The following PIP4P1 variants were observed in gnomAD, a reference collection of about 807,000 sequenced individuals.
The protein encoded by PIP4P1 is phosphatidylinositol-4,5-bisphosphate 4-phosphatase 1.
PIP4P1 carries 14 observed loss-of-function variants against 32.3 expected under a neutral mutation model. The observed-to-expected ratio is 0.43, with a 90% CI of 0.29 to 0.68. The LOEUF (loss-of-function observed/expected upper bound fraction) is 0.68, where lower values mean the gene tolerates loss of function less well. PIP4P1 is among the 30% of genes least tolerant of loss of function. The pLI, the probability that PIP4P1 is intolerant of heterozygous loss-of-function variation, is 0.15. For missense variants in PIP4P1, 289 were observed against 364.5 expected, an observed-to-expected ratio of 0.79 and a Z score of 1.69; for synonymous variants, 132 against 137.9, an observed-to-expected ratio of 0.96 and a Z score of 0.30.
At position 20,458,228 on chromosome 14, in the gene PIP4P1, A is replaced by G; in HGVS notation, c.*331T>C. 9.0e-6 allele frequency: 4 copies of G among 445,204 alleles called. No individual in the cohort carries two copies. Among genetic ancestry groups the G allele is most frequent in the East Asian group, 7.0e-5 (1 of 14,278 alleles). The allele number at this position is 445,204 out of a possible 1,614,324, so 27.6% of individuals were successfully genotyped here. A position where few individuals can be genotyped will look rare whatever the true frequency, so the allele number is the denominator to read the frequency against. On this transcript the variant is annotated 3_prime_UTR_variant, in exon 7 of 7. Transcript: ENST00000250489. ...GCTACCCACCCCCACCCTGCCCTGGAATGTGTAAGGGACAGGAATGGCTCT... is the reference window on the plus strand; with the variant it reads ...GCTACCCACCCCCACCCTGCCCTGGGATGTGTAAGGGACAGGAATGGCTCT...
At position 20,461,375 on chromosome 14, in the gene PIP4P1, C is replaced by T. The variant is rs914424414; in HGVS notation, c.-50G>A. On this transcript the variant is annotated 5_prime_UTR_variant, in exon 1 of 7. Transcript: ENST00000250489. ...AGGTCGGCGATCCGGCTCCCTTCGC[C>T]TCTGCCGTCGCCGCAGCCACCGCCA... 3.2e-6 allele frequency: 4 copies of T among 1,247,274 alleles called. No homozygotes were observed. Among genetic ancestry groups the T allele is most frequent in the Non-Finnish European group, 4.0e-6 (4 of 997,482 alleles). 77.3% of individuals were successfully genotyped at this position (1,247,274 alleles called of 1,614,324 possible). A position where few individuals can be genotyped will look rare whatever the true frequency, so the allele number is the denominator to read the frequency against.
chr14:20,459,306 G>A lies in PIP4P1; in HGVS notation c.600-10C>T, dbSNP rs912505555. ...GCGCCCAATAGATGACCTGTGGGGA[G>A]GCAAATAGAAATGGATGCTTTCTAT... On this transcript the variant is annotated splice_polypyrimidine_tract_variant and intron_variant, in intron 5 of 6. Transcript: ENST00000250489. The A allele has an allele frequency of 6.2e-7, 1 of 1,614,062 alleles. No individual in the cohort carries two copies. Among genetic ancestry groups the A allele is most frequent in the African/African-American group, 1.3e-5 (1 of 74,926 alleles).
At position 20,458,208 on chromosome 14, in the gene PIP4P1, C is replaced by T. The variant is rs562264909; in HGVS notation, c.*351G>A. ...GAGGGAGGGGAACCCCCAGGGCTAC[C>T]CACCCCCACCCTGCCCTGGAATGTG... On this transcript the variant is annotated 3_prime_UTR_variant, in exon 7 of 7. Transcript: ENST00000250489. 4.3e-6 allele frequency: 2 copies of T among 462,232 alleles called. No homozygotes were observed. The highest frequency in any genetic ancestry group is 2.0e-5 in the African/African-American group (1 of 50,490). The allele number at this position is 462,232 out of a possible 1,614,324, so 28.6% of individuals were successfully genotyped here.
chr14:20,460,534 ACTGAAAC>A, intron 2 of PIP4P1, 114 bp downstream of exon 2: 1 of 1,068,920 alleles, frequency 9.4e-7, no homozygotes, highest in Non-Finnish European at 1.3e-6. Flanking sequence ...GACACCTGGA[ACTGAAAC>A]CTGGGTATCA....
In PIP4P1 at chr14:20,458,638, AG is replaced by A; in HGVS notation, c.754del (p.Leu252CysfsTer16). On this transcript the variant is annotated frameshift_variant, in exon 7 of 7. Coordinates refer to ENST00000250489, the MANE Select transcript of PIP4P1 (RefSeq NM_144568.4). LOFTEE classifies it high-confidence loss of function. ...CCGGCCCAAACACAGCACAGCCAAC[AG>A]GATGACAAATGCCCAGGCTGCATAG... ...GIYAAWAFVI[L>X]LAVLCLGRAL... The A allele has an allele frequency of 6.2e-7, 1 of 1,614,256 alleles. No individual in the cohort carries two copies. Among genetic ancestry groups the A allele is most frequent in the Admixed American group, 1.7e-5 (1 of 60,034 alleles).
At chr14:20,459,104 C>T in intron 6 of PIP4P1, 102 bp downstream of exon 6, 2 of 1,233,940 alleles carry the variant, frequency 1.6e-6, no homozygotes, top group Non-Finnish European at 2.3e-6. Flanking sequence ...ACAAACTAGT[C>T]CCCCAAGTTT....
Position 20,458,746 on chromosome 14 carries a change from T to C in PIP4P1, c.691-44A>G, listed in dbSNP as rs1278948623. On this transcript the variant is annotated intron_variant, in intron 6 of 6. Transcript: ENST00000250489. ...GAGAAGAAAAGAAAGATGGGGTTAA[T>C]GTTGGTCTCCACTACCTCCTATTAG... 5 of 1,588,118 alleles carry C rather than the reference T, an allele frequency of 3.1e-6. No individual in the cohort carries two copies. The East Asian group carries it at 8.9e-5, about 28-fold the overall frequency.
At chr14:20,460,491 TG>T (rs1881659476) in intron 2 of PIP4P1, 163 bp downstream of exon 2, 1 of 792,710 alleles carries the variant, frequency 1.3e-6, no homozygotes, top group South Asian at 1.8e-5. Flanking sequence ...ACATTAGCTT[TG>T]GTGAGTGGCT....
At chr14:20,459,083 C>T in intron 6 of PIP4P1, 123 bp downstream of exon 6, 7 of 1,055,054 alleles carry the variant, frequency 6.6e-6, no homozygotes, top group Non-Finnish European at 9.8e-6. Context: ...TCATCCATAT[C>T]TTAAAACAAA....
intron 1 of PIP4P1, 31 bp downstream of exon 1, chr14:20,461,153 C>T (rs1480307104): frequency 1.3e-5 from 16 of 1,261,622 alleles, no homozygotes; most frequent in Non-Finnish European, 1.5e-5. Context: ...TCGGACCCGC[C>T]CCGGCTTACC....
At chr14:20,461,001 TC>T in intron 1 of PIP4P1, 156 bp from the exon 2 acceptor site, 1 of 1,248,010 alleles carries the variant, frequency 8.0e-7, no homozygotes, top group Non-Finnish European at 1.0e-6. Context: ...CCCCCTTCCG[TC>T]CCTAGGCTGT....
chr14:20,461,385 G>A lies in PIP4P1; in HGVS notation c.-60C>T. On this transcript the variant is annotated 5_prime_UTR_variant, in exon 1 of 7. Transcript: ENST00000250489. ...TCCGGCTCCCTTCGCCTCTGCCGTC[G>A]CCGCAGCCACCGCCACCGCCGCCAC... 1.2e-5 allele frequency: 15 copies of A among 1,236,980 alleles called. No individual in the cohort carries two copies. The highest frequency in any genetic ancestry group is 1.5e-5 in the Non-Finnish European group (15 of 990,530). The allele number at this position is 1,236,980 out of a possible 1,614,324, so 76.6% of individuals were successfully genotyped here.
intron 1 of PIP4P1, 68 bp downstream of exon 1, chr14:20,461,116 G>A: frequency 3.2e-6 from 4 of 1,269,568 alleles, no homozygotes; most frequent in South Asian, 3.1e-5. Flanking sequence ...CCCCCTCCCC[G>A]GCTTTCAGAG....
At chr14:20,460,041 G>A (rs1420033256) in intron 3 of PIP4P1, 151 bp downstream of exon 3, 3 of 678,330 alleles carry the variant, frequency 4.4e-6, no homozygotes, top group Non-Finnish European at 7.9e-6. Context: ...AAACGAGAAA[G>A]ACAGCTATAA....
In PIP4P1 at chr14:20,461,347, C is replaced by A; in HGVS notation, c.-22G>T. The A allele has an allele frequency of 7.9e-7, 1 of 1,272,610 alleles. No homozygotes were observed. The highest frequency in any genetic ancestry group is 9.9e-7 in the Non-Finnish European group (1 of 1,010,282). The allele number at this position is 1,272,610 out of a possible 1,614,324, so 78.8% of individuals were successfully genotyped here. ...CCATGGCCGCCACCGCCGCCTCCCGCTCAGGTCGGCGATCCGGCTCCCTTC... is the reference window on the plus strand; with the variant it reads ...CCATGGCCGCCACCGCCGCCTCCCGATCAGGTCGGCGATCCGGCTCCCTTC... On this transcript the variant is annotated 5_prime_UTR_variant, in exon 1 of 7. Transcript: ENST00000250489.
intron 6 of PIP4P1, 179 bp downstream of exon 6, chr14:20,459,027 T>C (rs1881586201): frequency 3.0e-6 from 2 of 664,934 alleles, no homozygotes; most frequent in African/African-American, 1.8e-5. Context: ...TTTTCACTCT[T>C]GTAGTAGTAA....
intron 6 of PIP4P1, 84 bp downstream of exon 6, chr14:20,459,122 T>C (rs1881593092): frequency 2.9e-6 from 4 of 1,374,650 alleles, no homozygotes; most frequent in African/African-American, 2.9e-5. Context: ...TTTCTTCCAC[T>C]TTTTTTTAGG....
At position 20,458,340 on chromosome 14, in the gene PIP4P1, A is replaced by G. The variant is rs183645007; in HGVS notation, c.*219T>C. 524 of 736,020 alleles carry G rather than the reference A, an allele frequency of 7.1e-4. 3 individuals carry two copies. Among genetic ancestry groups the G allele is most frequent in the African/African-American group, 6.9e-3 (401 of 57,880 alleles). 45.6% of individuals were successfully genotyped at this position (736,020 alleles called of 1,614,324 possible). On this transcript the variant is annotated 3_prime_UTR_variant, in exon 7 of 7. Transcript: ENST00000250489. ...GTTTTGCCTACTTCACCCTAGACAC[A>G]GCAACCCTTGGAGGAAAGCAGATGG...
chr14:20,458,517 C>A lies in PIP4P1; in HGVS notation c.*42G>T. 1 of 1,606,988 alleles carries A rather than the reference C, an allele frequency of 6.2e-7. No homozygotes were observed. ...CAGCTCCCTTCGTAGTGTCACTGTC[C>A]CCACCAGGGAGGGGCCAGGCACAGT... On this transcript the variant is annotated 3_prime_UTR_variant, in exon 7 of 7. Coordinates refer to ENST00000250489, the MANE Select transcript of PIP4P1 (RefSeq NM_144568.4).
Sources: gnomAD v4.1 joint callset for allele counts on GRCh38, gnomAD v4.1.1 for gene constraint, MANE v1.5 for transcripts, NCBI Gene and HGNC (gene_info 2026-07-23, HGNC 2026-07-21) for gene names.